The following CADPS2 variants were observed in gnomAD, a reference collection of about 807,000 sequenced individuals.
The protein encoded by CADPS2 is calcium dependent secretion activator 2, also known as calcium-dependent secretion activator 2.
A neutral mutation model predicts 172.5 loss-of-function variants in CADPS2; 93 were observed. That is an observed-to-expected ratio of 0.54 (90% CI 0.46 to 0.64). CADPS2 has a LOEUF of 0.64. Among genes scored for constraint, CADPS2 ranks in the 30% least tolerant of loss-of-function variants. The probability of loss-of-function intolerance (pLI) is 0.00; values close to 1 mark genes in which losing one functional copy is unlikely to be tolerated. For missense variants in CADPS2, 1,420 were observed against 1,565.9 expected, an observed-to-expected ratio of 0.91 and a Z score of 1.57; for synonymous variants, 546 against 555.2, an observed-to-expected ratio of 0.98 and a Z score of 0.23.
At chr7:122,342,132 G>A (rs553767670) in intron 28 of CADPS2, among the ~76,000 whole-genome samples, 3 of 151,982 alleles carry the variant, frequency 2.0e-5, no homozygotes, top group South Asian at 2.1e-4. Flanking sequence ...GACCTTTAAG[G>A]TAATGCAGAT....
At chr7:122,374,791 G>C (rs373549854) in intron 25 of CADPS2, among the ~76,000 whole-genome samples, 2 of 152,118 alleles carry the variant, frequency 1.3e-5, no homozygotes, top group Non-Finnish European at 2.9e-5. Context: ...GCTGATGGGT[G>C]CAACAACCAC....
At chr7:122,430,588 T>C (rs1469714433) in intron 17 of CADPS2, among the ~76,000 whole-genome samples, 1 of 152,144 alleles carries the variant, frequency 6.6e-6, no homozygotes, top group Non-Finnish European at 1.5e-5. Flanking sequence ...AGTGATAAAA[T>C]TAAAGCAAAG....
chr7:122,416,296 CAA>C (rs35971020), intron 17 of CADPS2, 132 bp from the exon 18 acceptor site: 4,295 of 331,880 alleles, frequency 0.013, 3 homozygotes, highest in Middle Eastern at 0.024. Context: ...ATTATTTAGA[CAA>C]AAAAAAAAAA....
intron 2 of CADPS2, among the ~76,000 whole-genome samples, chr7:122,678,811 T>G (rs1007068208): frequency 3.9e-5 from 6 of 152,172 alleles, no homozygotes; most frequent in African/African-American, 1.4e-4. Flanking sequence ...TATGCCTACA[T>G]TTTAGCAGAA....
At chr7:122,346,022 C>A (rs2037585359) in intron 27 of CADPS2, among the ~76,000 whole-genome samples, 1 of 150,338 alleles carries the variant, frequency 6.7e-6, no homozygotes, top group African/African-American at 2.5e-5. Context: ...TATAATTTCC[C>A]AGTTGCAAAT....
intron 28 of CADPS2, among the ~76,000 whole-genome samples, chr7:122,334,454 TAAAG>T (rs2150856813): frequency 6.6e-6 from 1 of 152,354 alleles, no homozygotes; most frequent in Non-Finnish European, 1.5e-5. Context: ...GAGCTGTTTT[TAAAG>T]AAAGGCAGAA....
intron 2 of CADPS2, among the ~76,000 whole-genome samples, chr7:122,689,550 A>C (rs1316368774): frequency 6.6e-6 from 1 of 152,182 alleles, no homozygotes; most frequent in Non-Finnish European, 1.5e-5. Context: ...CAAAAACTGG[A>C]AACGCAGCAC....
At chr7:122,485,031 C>T (rs1462679030) in intron 11 of CADPS2, among the ~76,000 whole-genome samples, 1 of 152,066 alleles carries the variant, frequency 6.6e-6, no homozygotes, top group East Asian at 1.9e-4. Flanking sequence ...TTTTGGGGTG[C>T]CACAAACTAC....
In CADPS2 at chr7:122,554,673, G is replaced by T. The variant is rs545595324; in HGVS notation, c.1352C>A (p.Thr451Asn). 3.7e-6 allele frequency: 6 copies of T among 1,607,756 alleles called. No individual in the cohort carries two copies. In the African/African-American group the frequency reaches 8.0e-5, roughly 22 times the overall value. ...TTCAGCTGATTTGGAGCTATTAGAA[G>T]TTGGGTATAATATCACCTGTATGGA... is the stretch of plus-strand genomic sequence containing the variant. Reference protein sequence around the residue: ...KELGRVILYPTSNSSKSAELH... With the variant: ...KELGRVILYPNSNSSKSAELH... Residue 451 changes from threonine (T) to asparagine (N), a missense_variant, in exon 8 of 30, where the codon ACT becomes AAT. Physicochemically the swap from Thr to Asn is moderately conservative, Grantham distance 65. Coordinates refer to ENST00000449022, the MANE Select transcript of CADPS2 (RefSeq NM_017954.11).
At chr7:122,758,388 G>T (rs2093252007) in intron 1 of CADPS2, among the ~76,000 whole-genome samples, 1 of 152,056 alleles carries the variant, frequency 6.6e-6, no homozygotes. Flanking sequence ...TCATATTAAG[G>T]TTCTTATAAA....
At chr7:122,362,996 G>C (rs2040382434) in intron 25 of CADPS2, among the ~76,000 whole-genome samples, 1 of 152,142 alleles carries the variant, frequency 6.6e-6, no homozygotes, top group African/African-American at 2.4e-5. Flanking sequence ...AATAACGTAT[G>C]CTTGGGTAGC....
chr7:122,856,480 C>T (rs1421046269), intron 1 of CADPS2, among the ~76,000 whole-genome samples: 1 of 152,102 alleles, frequency 6.6e-6, no homozygotes, highest in Non-Finnish European at 1.5e-5. Flanking sequence ...TGCTGTAGTT[C>T]CCTACACTAC....
At chr7:122,363,123 T>C (rs959161739) in intron 25 of CADPS2, among the ~76,000 whole-genome samples, 16 of 152,216 alleles carry the variant, frequency 1.1e-4, no homozygotes, top group Non-Finnish European at 2.4e-4. Context: ...CAATCATGAC[T>C]GGCTAACTCA....
intron 6 of CADPS2, among the ~76,000 whole-genome samples, chr7:122,588,019 G>A (rs953123667): frequency 6.6e-6 from 1 of 151,990 alleles, no homozygotes; most frequent in Non-Finnish European, 1.5e-5. Context: ...CTTTTGAACA[G>A]TATCTGTTTA....
chr7:122,872,808 G>GA (rs1048974441), intron 1 of CADPS2, among the ~76,000 whole-genome samples: 2 of 151,742 alleles, frequency 1.3e-5, no homozygotes, highest in African/African-American at 4.8e-5. Flanking sequence ...TGCAGATCCA[G>GA]AAAAAAAATT....
rs1348957769 is a variant in CADPS2, at chr7:122,641,178, T to C, written c.787-11850A>G. Among the ~76,000 whole-genome samples the C allele has an allele frequency of 2.6e-5, 4 of 152,302 alleles. No homozygotes were observed. In the East Asian group the frequency reaches 7.7e-4, roughly 29 times the overall value. On this transcript the variant is annotated intron_variant, in intron 3 of 29. Coordinates refer to ENST00000449022, the MANE Select transcript of CADPS2 (RefSeq NM_017954.11). ...ATGTCCTTTCCTGGCAGATAACATT[T>C]TACAGGTCTTTTTAAAAGGGCCGTT...
At chr7:122,850,016 A>C (rs2141075485) in intron 1 of CADPS2, 2 of 929,942 alleles carry the variant, frequency 2.2e-6, no homozygotes, top group South Asian at 2.0e-5. Context: ...TGGGGAAGGA[A>C]CAGAAGGCCC....
chr7:122,668,650 C>T (rs533904393), intron 2 of CADPS2, among the ~76,000 whole-genome samples: 2 of 152,136 alleles, frequency 1.3e-5, no homozygotes, highest in African/African-American at 4.8e-5. Context: ...TAAAAACCTC[C>T]CTTTGTCCAT....
chr7:122,579,663 A>T (rs1365365411), intron 7 of CADPS2, among the ~76,000 whole-genome samples: 1 of 151,778 alleles, frequency 6.6e-6, no homozygotes, highest in Non-Finnish European at 1.5e-5. Flanking sequence ...ATATAATAAT[A>T]GTTTAAATGA....
Sources: allele counts gnomAD v4.1 joint callset (sites outside exome capture counted in the v4.1 genomes callset), GRCh38; gene constraint gnomAD v4.1.1; transcripts MANE v1.5; gene names NCBI Gene and HGNC (gene_info 2026-07-23, HGNC 2026-07-21).